The following PRUNE2 variants were observed in gnomAD, a reference collection of about 807,000 sequenced individuals.
The protein encoded by PRUNE2 is prune homolog 2 with BCH domain, also known as protein prune homolog 2.
In PRUNE2, 164 loss-of-function variants were observed where a neutral mutation model predicts 252.0. The ratio of observed to expected loss-of-function variants is 0.65; its 90% CI spans 0.57 to 0.74. PRUNE2 has a LOEUF of 0.74. Ranked by LOEUF, PRUNE2 falls within the 30% of genes least tolerant of loss-of-function variation. PRUNE2 has a pLI of 0.00. For missense variants in PRUNE2, 3,495 were observed against 3,711.0 expected (o/e 0.94, Z 1.51); for synonymous variants, 1,292 against 1,350.2 (o/e 0.96, Z 0.94).
At position 76,715,775 on chromosome 9, in the gene PRUNE2, A is replaced by G. The variant is rs565330878; in HGVS notation, c.757-2054T>C. On this transcript the variant is annotated intron_variant, in intron 6 of 18. Transcript: ENST00000376718. ...TTTTTTAAATAATCAAAACTCATAT[A>G]CAATGTGTGTTCAACAGATAAAATT... 4.8e-4 allele frequency among the ~76,000 whole-genome samples: 73 copies of G among 152,332 alleles called. 1 individual carries two copies. Among genetic ancestry groups the G allele is most frequent in the African/African-American group, 1.5e-3 (63 of 41,578 alleles).
Position 76,710,616 on chromosome 9 carries a change from G to A in PRUNE2, c.1658C>T (p.Ser553Leu), listed in dbSNP as rs1376110666. The A allele has an allele frequency of 6.2e-7, 1 of 1,613,354 alleles. No individual in the cohort carries two copies. The highest frequency in any genetic ancestry group is 1.7e-5 in the Admixed American group (1 of 59,920). Residue 553 changes from serine to leucine, a missense_variant, in exon 8 of 19, where the codon TCA (serine) becomes TTA (leucine). Transcript: ENST00000376718. The part of the protein sequence containing the change: ...GTNMSNYSSS[S>L]LLSGAGKDSL... ...ATCTTTGCCAGCCCCTGACAAAAGT[G>A]AACTGGATGAATAATTAGACATGTT... is the stretch of plus-strand genomic sequence containing the variant.
chr9:76,690,945 A>G (rs2044653680), intron 9 of PRUNE2, among the ~76,000 whole-genome samples: 1 of 152,208 alleles, frequency 6.6e-6, no homozygotes. Flanking sequence ...TACCTCCCAG[A>G]TAGGAAGTTT....
chr9:76,636,179 T>A (rs1839989718), intron 15 of PRUNE2, among the ~76,000 whole-genome samples: 1 of 152,206 alleles, frequency 6.6e-6, no homozygotes, highest in Admixed American at 6.5e-5. Context: ...GTATTATCTA[T>A]TCTCCTTTCT....
chr9:76,849,000 C>A (rs534938052), intron 3 of PRUNE2, among the ~76,000 whole-genome samples: 1 of 152,222 alleles, frequency 6.6e-6, no homozygotes, highest in Admixed American at 6.5e-5. Context: ...CCTCAACCTC[C>A]CAGGCTCAAT....
At chr9:76,759,347 C>A (rs920991545) in intron 6 of PRUNE2, 1 of 152,226 alleles carries the variant, frequency 6.6e-6, no homozygotes, top group Non-Finnish European at 1.5e-5. Context: ...AAACCCGTAT[C>A]CCTAAATGGG....
chr9:76,713,658 C>A lies in PRUNE2; in HGVS notation c.820G>T (p.Asp274Tyr). Reference protein sequence around the residue: ...LKAFTDKFGFDVLILFSSYLS... With the variant: ...LKAFTDKFGFYVLILFSSYLS... ...TAGCTGGAGAACAGGATGAGGACAT[C>A]AAAACCAAACTTGTCTGTAAATGCT... is the stretch of plus-strand genomic sequence containing the variant. The change falls in exon 7 of 19, where the codon GAT becomes TAT. Residue 274 changes from aspartate to tyrosine, a missense_variant. Coordinates refer to ENST00000376718, the MANE Select transcript of PRUNE2 (RefSeq NM_015225.3). 4 of 1,600,992 alleles carry A rather than the reference C, an allele frequency of 2.5e-6. No homozygotes were observed. The highest frequency in any genetic ancestry group is 3.4e-6 in the Non-Finnish European group (4 of 1,173,330).
chr9:76,806,325 T>G (rs1589322214), intron 6 of PRUNE2, among the ~76,000 whole-genome samples: 1 of 152,190 alleles, frequency 6.6e-6, no homozygotes, highest in East Asian at 1.9e-4. Context: ...AGTAACAATT[T>G]GGATGTTTCT....
chr9:76,649,087 T>C (rs1056445846), intron 11 of PRUNE2, among the ~76,000 whole-genome samples: 3 of 152,212 alleles, frequency 2.0e-5, no homozygotes, highest in Non-Finnish European at 4.4e-5. Flanking sequence ...AGGAAAACTC[T>C]GTACTCTCCG....
At chr9:76,728,087 T>C (rs1052706990) in intron 6 of PRUNE2, among the ~76,000 whole-genome samples, 1 of 152,112 alleles carries the variant, frequency 6.6e-6, no homozygotes, top group African/African-American at 2.4e-5. Context: ...TTTATCTCCA[T>C]AATGGTAACC....
At chr9:76,677,751 C>T (rs192323694) in intron 9 of PRUNE2, among the ~76,000 whole-genome samples, 119 of 152,234 alleles carry the variant, frequency 7.8e-4, no homozygotes, top group African/African-American at 2.4e-3. Context: ...CTCTCAGGCC[C>T]CAGTGACTTT....
chr9:76,710,041 T>C lies in PRUNE2; in HGVS notation c.2233A>G (p.Met745Val), dbSNP rs751240061. The C allele has an allele frequency of 1.1e-5, 18 of 1,613,928 alleles. 1 individual carries two copies. The highest frequency in any genetic ancestry group is 5.0e-5 in the Admixed American group (3 of 60,004). Residue 745 changes from methionine to valine, a missense_variant, in exon 8 of 19, where the codon ATG becomes GTG. Coordinates refer to ENST00000376718, the MANE Select transcript of PRUNE2 (RefSeq NM_015225.3). ...GTATTTGGCAAAGGTGACTTCTCCA[T>C]GGGCAGGTTCTGGAACGGCAAGCTT... is the stretch of plus-strand genomic sequence containing the variant. ...EESLPFQNLPMEKSPLPNTSP... is the reference protein window; with the variant it reads ...EESLPFQNLPVEKSPLPNTSP...
intron 9 of PRUNE2, among the ~76,000 whole-genome samples, chr9:76,670,907 A>G (rs902426898): frequency 4.6e-5 from 7 of 151,986 alleles, no homozygotes; most frequent in African/African-American, 1.7e-4. Context: ...TCTGTACATC[A>G]CCATCATCAA....
At chr9:76,900,025 A>G (rs1208002413) in intron 1 of PRUNE2, among the ~76,000 whole-genome samples, 1 of 152,182 alleles carries the variant, frequency 6.6e-6, no homozygotes, top group Non-Finnish European at 1.5e-5. Flanking sequence ...AGCAGGGTGA[A>G]AGCAGTTTGC....
At chr9:76,830,917 C>A (rs576383101) in intron 4 of PRUNE2, among the ~76,000 whole-genome samples, 1 of 148,228 alleles carries the variant, frequency 6.7e-6, no homozygotes, top group Non-Finnish European at 1.5e-5. Flanking sequence ...GAATTCCATA[C>A]TGAGTGAAAA....
intron 12 of PRUNE2, chr9:76,642,008 A>C (rs1370513846): frequency 1.4e-6 from 2 of 1,385,466 alleles, no homozygotes; most frequent in African/African-American, 3.0e-5. Context: ...AAGTAAAAAA[A>C]AAAAAAAAAG....
intron 1 of PRUNE2, 129 bp downstream of exon 1, chr9:76,905,799 C>G: frequency 2.5e-6 from 3 of 1,208,890 alleles, no homozygotes; most frequent in Non-Finnish European, 3.7e-6. Flanking sequence ...TTCCAGGAGA[C>G]AACCCGCACA....
intron 6 of PRUNE2, among the ~76,000 whole-genome samples, chr9:76,752,157 G>C (rs569048661): frequency 1.3e-5 from 2 of 151,572 alleles, no homozygotes; most frequent in Admixed American, 1.3e-4. Context: ...GAGTGCAATG[G>C]TGCAATCTCG....
rs373384680 is a variant in PRUNE2 at position 76,742,461 on chromosome 9, C to A, written c.757-28740G>T. Among the ~76,000 whole-genome samples, 14 of 151,918 alleles carry A rather than the reference C, an allele frequency of 9.2e-5. No homozygotes were observed. In the East Asian group the frequency reaches 1.7e-3, roughly 19 times the overall value. ...GAGACCTTGTCTAGACAAAAAAGAT[C>A]AAGAAAATTAGCTAGGTGTGGTGGC... On this transcript the variant is annotated intron_variant, in intron 6 of 18. Coordinates refer to ENST00000376718, the MANE Select transcript of PRUNE2 (RefSeq NM_015225.3).
chr9:76,727,286 A>G (rs928184402), intron 6 of PRUNE2, among the ~76,000 whole-genome samples: 7 of 152,202 alleles, frequency 4.6e-5, no homozygotes, highest in African/African-American at 1.7e-4. Context: ...TTCAAGTCAC[A>G]CTCAACTGTT....
Sources: allele counts gnomAD v4.1 joint callset (sites outside exome capture counted in the v4.1 genomes callset), GRCh38; gene constraint gnomAD v4.1.1; transcripts MANE v1.5; gene names NCBI Gene and HGNC (gene_info 2026-07-23, HGNC 2026-07-21).